The following ALMS1 variants were observed in gnomAD, a reference collection of about 807,000 sequenced individuals.
The protein encoded by ALMS1 is centrosome-associated protein ALMS1.
In ALMS1, 271 loss-of-function variants were observed where a neutral mutation model predicts 352.2. That is an observed-to-expected ratio of 0.77 (90% confidence interval 0.70 to 0.85). The LOEUF is 0.85. Ranked by LOEUF, ALMS1 falls within the 40% of genes least tolerant of loss-of-function variation. The pLI is 0.00. For missense variants in ALMS1, 5,445 were observed against 4,870.7 expected (o/e 1.12, Z -3.51); for synonymous variants, 1,865 against 1,761.2 (o/e 1.06, Z -1.48).
intron 2 of ALMS1, among the ~76,000 whole-genome samples, chr2:73,412,689 G>A (rs1270104311): frequency 6.6e-6 from 1 of 152,062 alleles, no homozygotes; most frequent in African/African-American, 2.4e-5. Context: ...CCAGCTACTC[G>A]GGAGGCTGAG....
At chr2:73,527,946 G>A (rs1673826690) in intron 11 of ALMS1, among the ~76,000 whole-genome samples, 1 of 151,292 alleles carries the variant, frequency 6.6e-6, no homozygotes, top group Non-Finnish European at 1.5e-5. Context: ...GGTATGTTGT[G>A]TTTCCATTAT....
At chr2:73,521,206 G>A (rs1312361866) in intron 11 of ALMS1, among the ~76,000 whole-genome samples, 1 of 152,086 alleles carries the variant, frequency 6.6e-6, no homozygotes, top group African/African-American at 2.4e-5. Context: ...GTTACCTGTT[G>A]TTACAGTGGT....
chr2:73,387,568 A>G (rs1347242660), intron 1 of ALMS1, among the ~76,000 whole-genome samples: 2 of 152,280 alleles, frequency 1.3e-5, no homozygotes, highest in Non-Finnish European at 2.9e-5. Context: ...AGAGCATGGC[A>G]TTTTCCAGGA....
At chr2:73,519,670 T>C in intron 10 of ALMS1, 105 bp from the exon 11 acceptor site, 2 of 1,463,576 alleles carry the variant, frequency 1.4e-6, no homozygotes, top group South Asian at 1.2e-5. Context: ...CCACAATATA[T>C]TCCTATAGCT....
chr2:73,493,584 T>C (rs1333234152), intron 10 of ALMS1, among the ~76,000 whole-genome samples: 1 of 151,886 alleles, frequency 6.6e-6, no homozygotes, highest in Non-Finnish European at 1.5e-5. Context: ...TAGCTGGGCA[T>C]GGTGGCACAT....
chr2:73,416,231 TA>T (rs1671179202), intron 2 of ALMS1, among the ~76,000 whole-genome samples: 1 of 152,220 alleles, frequency 6.6e-6, no homozygotes, highest in Admixed American at 6.5e-5. Flanking sequence ...AGAAAAAATG[TA>T]AAATTAATCA....
chr2:73,451,575 A>G lies in ALMS1; in HGVS notation c.5048A>G (p.His1683Arg). ...TACCAGCAGACCCTATCAGACAGTC[A>G]TTTACCTGAAGAAGCTCTGAAAGTT... ...IFYQQTLSDSHLPEEALKVPP... is the reference protein window; with the variant it reads ...IFYQQTLSDSRLPEEALKVPP... The change falls in exon 8 of 23, where the codon CAT (histidine) becomes CGT (arginine). Residue 1683 changes from histidine to arginine, a missense_variant. By Grantham distance (29) the His-to-Arg change is conservative. Coordinates refer to ENST00000613296, the MANE Select transcript of ALMS1 (RefSeq NM_001378454.1). 1.2e-6 allele frequency: 2 copies of G among 1,614,048 alleles called. No individual in the cohort carries two copies. The highest frequency in any genetic ancestry group is 1.3e-5 in the African/African-American group (1 of 75,000).
rs190233860 is a variant in ALMS1, at chr2:73,508,452, G to A, written c.9540-11323G>A. ...GATCTCCTGACCTTGTGATCCACCC[G>A]CCTCGGCCTCCCAAAATGCTGGGGT... On this transcript the variant is annotated intron_variant, in intron 10 of 22. Transcript: ENST00000613296. Among the ~76,000 whole-genome samples the A allele has an allele frequency of 4.9e-3, 744 of 152,016 alleles. 7 individuals carry two copies. Among genetic ancestry groups the A allele is most frequent in the African/African-American group, 0.017 (715 of 41,444 alleles).
At chr2:73,444,039 A>G (rs1361322658) in intron 7 of ALMS1, among the ~76,000 whole-genome samples, 1 of 152,238 alleles carries the variant, frequency 6.6e-6, no homozygotes, top group East Asian at 1.9e-4. Flanking sequence ...TTTTCCTGCC[A>G]TAATTTTTAT....
intron 11 of ALMS1, among the ~76,000 whole-genome samples, chr2:73,522,909 T>C (rs1394029980): frequency 1.3e-5 from 2 of 152,238 alleles, no homozygotes; most frequent in Non-Finnish European, 1.5e-5. Flanking sequence ...TTCAGGTCTA[T>C]CATAGATTTA....
chr2:73,578,997 G>A (rs534457310), intron 16 of ALMS1, among the ~76,000 whole-genome samples: 76 of 151,284 alleles, frequency 5.0e-4, no homozygotes, highest in Admixed American at 1.4e-3. Context: ...ATTCCTTATA[G>A]GGAAGGTCTA....
chr2:73,487,300 T>C (rs1672872267), intron 9 of ALMS1, among the ~76,000 whole-genome samples: 1 of 152,166 alleles, frequency 6.6e-6, no homozygotes, highest in African/African-American at 2.4e-5. Context: ...GTCTAGCCAC[T>C]GTACACAGCC....
chr2:73,399,434 A>G (rs972595098), intron 1 of ALMS1, among the ~76,000 whole-genome samples: 4 of 152,008 alleles, frequency 2.6e-5, no homozygotes, highest in East Asian at 3.9e-4. Context: ...TGAGCTTACA[A>G]TCATGGTGGA....
chr2:73,523,822 C>T (rs1247661454), intron 11 of ALMS1, among the ~76,000 whole-genome samples: 2 of 151,980 alleles, frequency 1.3e-5, no homozygotes, highest in East Asian at 3.9e-4. Context: ...GCTCATTCTA[C>T]TCCAGGACTA....
Position 73,519,787 on chromosome 2 carries a change from G to A in ALMS1, c.9552G>A (p.Lys3184=), listed in dbSNP as rs1162012601. The change falls in exon 11 of 23, where the codon AAG becomes AAA. Residue 3184 remains lysine, a synonymous_variant. Coordinates refer to ENST00000613296, the MANE Select transcript of ALMS1 (RefSeq NM_001378454.1). ...CTTTTTTGGTCAGATTACCAGAGAA[G>A]ATGAAGACCCCACTTTCTGCTTTCT... ...TPVFADRLPE[K]MKTPLSAFSE... The A allele has an allele frequency of 6.2e-7, 1 of 1,613,926 alleles. No homozygotes were observed. Among genetic ancestry groups the A allele is most frequent in the Non-Finnish European group, 8.5e-7 (1 of 1,179,946 alleles).
intron 4 of ALMS1, 32 bp downstream of exon 4, chr2:73,423,006 C>G (rs1671314099): frequency 2.0e-6 from 3 of 1,537,052 alleles, no homozygotes; most frequent in Non-Finnish European, 2.7e-6. Context: ...TAACCTTTCT[C>G]ACTTCTTGTT....
intron 11 of ALMS1, among the ~76,000 whole-genome samples, chr2:73,520,262 C>G (rs762300290): frequency 6.6e-6 from 1 of 152,106 alleles, no homozygotes; most frequent in Non-Finnish European, 1.5e-5. Flanking sequence ...TTAGTTTTGT[C>G]TCATCATATT....
chr2:73,538,465 G>A (rs975084918), intron 12 of ALMS1, among the ~76,000 whole-genome samples: 6 of 152,276 alleles, frequency 3.9e-5, no homozygotes, highest in South Asian at 2.1e-4. Flanking sequence ...GAGCGATGCA[G>A]AAAACGAATG....
At chr2:73,570,407 T>C (rs1242821657) in intron 15 of ALMS1, among the ~76,000 whole-genome samples, 2 of 152,184 alleles carry the variant, frequency 1.3e-5, no homozygotes, top group Non-Finnish European at 2.9e-5. Context: ...AAATTGGCCA[T>C]ACATTGAGGT....
Sources: gnomAD v4.1 joint callset for allele counts (sites outside exome capture counted in the v4.1 genomes callset) on GRCh38, gnomAD v4.1.1 for gene constraint, MANE v1.5 for transcripts, NCBI Gene and HGNC (gene_info 2026-07-23, HGNC 2026-07-21) for gene names.